The following IL1RAPL2 variants were observed in gnomAD, a reference collection of about 807,000 sequenced individuals.
IL1RAPL2 encodes the protein X-linked interleukin-1 receptor accessory protein-like 2.
IL1RAPL2 carries 3 observed loss-of-function variants against 44.1 expected under a neutral mutation model. The ratio of observed to expected loss-of-function variants is 0.07; its 90% CI spans 0.03 to 0.18. The LOEUF (loss-of-function observed/expected upper bound fraction) is 0.18, where lower values mean the gene tolerates loss of function less well. Ranked by LOEUF, IL1RAPL2 falls within the 10% of genes least tolerant of loss-of-function variation. IL1RAPL2 has a pLI of 1.00. For synonymous variants in IL1RAPL2, 181 were observed against 178.8 expected (o/e 1.01, Z -0.10); for missense variants, 391 against 496.4 (o/e 0.79, Z 2.02).
intron 6 of IL1RAPL2, among the ~76,000 whole-genome samples, chrX:105,678,235 GTGT>G (rs1184256458): frequency 3.6e-5 from 4 of 112,191 alleles, no homozygotes; most frequent in Non-Finnish European, 7.5e-5. Flanking sequence ...TACATAGGAG[GTGT>G]TGTATTATGG....
At chrX:104,575,453 G>T (rs1165891131) in intron 1 of IL1RAPL2, among the ~76,000 whole-genome samples, 3 of 111,274 alleles carry the variant, frequency 2.7e-5, no homozygotes, top group African/African-American at 9.8e-5. Context: ...TATTTTACAT[G>T]CTAGCTCTGG....
intron 2 of IL1RAPL2, among the ~76,000 whole-genome samples, chrX:104,781,188 A>G (rs944931590): frequency 4.5e-5 from 5 of 110,939 alleles, no homozygotes; most frequent in Non-Finnish European, 7.6e-5. Context: ...TAAACACTTA[A>G]TGTGAGACAG....
intron 5 of IL1RAPL2, among the ~76,000 whole-genome samples, chrX:105,464,042 A>C (rs895514538): frequency 8.9e-6 from 1 of 112,354 alleles, no homozygotes; most frequent in African/African-American, 3.2e-5. Flanking sequence ...GCCTAGCACA[A>C]TGCCAGGCAC....
At chrX:105,422,115 G>A (rs2035777697) in intron 5 of IL1RAPL2, among the ~76,000 whole-genome samples, 1 of 111,960 alleles carries the variant, frequency 8.9e-6, no homozygotes, top group East Asian at 2.8e-4. Flanking sequence ...AGTGCAGCAA[G>A]AATAACATTT....
At chrX:105,261,954 G>A (rs962225503) in intron 4 of IL1RAPL2, among the ~76,000 whole-genome samples, 1 of 111,706 alleles carries the variant, frequency 9.0e-6, no homozygotes, top group African/African-American at 3.3e-5. Flanking sequence ...AGACAGGAAG[G>A]CTAGAAGGGC....
intron 1 of IL1RAPL2, among the ~76,000 whole-genome samples, chrX:104,624,223 A>G (rs1209487299): frequency 1.8e-5 from 2 of 111,852 alleles, no homozygotes; most frequent in Admixed American, 9.6e-5. Flanking sequence ...TTTAGAATGA[A>G]CATTCCTCCT....
At chrX:105,543,982 G>A (rs1261059194) in intron 6 of IL1RAPL2, among the ~76,000 whole-genome samples, 2 of 111,620 alleles carry the variant, frequency 1.8e-5, no homozygotes, top group African/African-American at 3.3e-5. Context: ...TAAAGGTTGC[G>A]TTGACTTTTT....
intron 2 of IL1RAPL2, among the ~76,000 whole-genome samples, chrX:104,693,932 T>C (rs1014035560): frequency 1.8e-5 from 2 of 111,799 alleles, no homozygotes; most frequent in African/African-American, 6.5e-5. Context: ...TAGCTCATAA[T>C]GACTCTGAAA....
intron 4 of IL1RAPL2, among the ~76,000 whole-genome samples, chrX:105,263,632 C>T (rs1216663375): frequency 9.0e-6 from 1 of 111,262 alleles, no homozygotes; most frequent in Non-Finnish European, 1.9e-5. Context: ...GCTTTCAACC[C>T]AGCAACTACT....
chrX:104,886,995 C>T (rs1449259631), intron 2 of IL1RAPL2, among the ~76,000 whole-genome samples: 1 of 112,465 alleles, frequency 8.9e-6, no homozygotes, highest in Non-Finnish European at 1.9e-5. Context: ...GTTGAAGGCC[C>T]AGCTTTTCCT....
At chrX:104,749,887 G>A (rs1932230036) in intron 2 of IL1RAPL2, among the ~76,000 whole-genome samples, 1 of 111,873 alleles carries the variant, frequency 8.9e-6, no homozygotes, top group Non-Finnish European at 1.9e-5. Flanking sequence ...CTACTTTCAT[G>A]TTTGATTAAG....
rs1237219139 is a variant in IL1RAPL2 at position 104,884,259 on chromosome X, C to T, written c.82+225264C>T. On this transcript the variant is annotated intron_variant, in intron 2 of 10. Coordinates refer to ENST00000372582, the MANE Select transcript of IL1RAPL2 (RefSeq NM_017416.2). ...CTAAATCAGACCTTCCTCAGTCCTC[C>T]TTGTGGTCTAGGAGGAAAACTAGTG... 5.4e-5 allele frequency among the ~76,000 whole-genome samples: 6 copies of T among 111,647 alleles called. No individual in the cohort carries two copies. In the Admixed American group the frequency reaches 5.7e-4, roughly 11 times the overall value.
At chrX:104,920,522 CT>C (rs1924604351) in intron 2 of IL1RAPL2, among the ~76,000 whole-genome samples, 1 of 25,404 alleles carries the variant, frequency 3.9e-5, no homozygotes, top group Non-Finnish European at 7.7e-5. Flanking sequence ...TGTGTGGCCC[CT>C]CCCCTCCCCT....
At chrX:105,118,223 G>A (rs2032882166) in intron 2 of IL1RAPL2, among the ~76,000 whole-genome samples, 1 of 112,607 alleles carries the variant, frequency 8.9e-6, no homozygotes, top group Non-Finnish European at 1.9e-5. Context: ...CAATTTAAAT[G>A]TGGTCTTTGA....
intron 2 of IL1RAPL2, among the ~76,000 whole-genome samples, chrX:104,977,838 G>A (rs923079233): frequency 5.4e-5 from 6 of 112,125 alleles, no homozygotes; most frequent in Non-Finnish European, 1.1e-4. Context: ...CTATATCCAC[G>A]TTTTATTATA....
intron 2 of IL1RAPL2, among the ~76,000 whole-genome samples, chrX:104,782,345 G>T (rs1932779246): frequency 9.0e-6 from 1 of 110,864 alleles, no homozygotes; most frequent in African/African-American, 3.3e-5. Flanking sequence ...ACTATCTTCT[G>T]TAGAAAAGAG....
chrX:104,908,204 C>T (rs777866274), intron 2 of IL1RAPL2, among the ~76,000 whole-genome samples: 14 of 111,583 alleles, frequency 1.3e-4, no homozygotes, highest in African/African-American at 2.3e-4. Flanking sequence ...TGTCTCTGCA[C>T]GTGAGATGGG....
At chrX:105,456,009 G>A (rs1984808255) in intron 5 of IL1RAPL2, among the ~76,000 whole-genome samples, 1 of 111,624 alleles carries the variant, frequency 9.0e-6, no homozygotes, top group African/African-American at 3.3e-5. Context: ...GCAGTGTTTT[G>A]TAGCTATCAT....
intron 2 of IL1RAPL2, among the ~76,000 whole-genome samples, chrX:104,844,602 AAAAC>A (rs56820033): frequency 9.2e-6 from 1 of 108,280 alleles, no homozygotes; most frequent in Admixed American, 1.0e-4. Flanking sequence ...ATCATGAGCT[AAAAC>A]AAACAAACAA....
Sources: gnomAD v4.1 joint callset for allele counts (sites outside exome capture counted in the v4.1 genomes callset) on GRCh38, gnomAD v4.1.1 for gene constraint, MANE v1.5 for transcripts, NCBI Gene and HGNC (gene_info 2026-07-23, HGNC 2026-07-21) for gene names.